SLFN12L: variants seen among roughly 807,000 people sequenced by gnomAD.
SLFN12L encodes schlafen family member 12 like.
Under a neutral mutation model 34.8 loss-of-function variants are expected in SLFN12L, and 34 were observed. The observed-to-expected ratio is 0.98, with a 90% confidence interval of 0.74 to 1.30. The LOEUF is 1.30. Among genes scored for constraint, SLFN12L ranks in the 50% most tolerant of loss-of-function variants. SLFN12L has a pLI of 0.00. For missense variants in SLFN12L, 703 were observed against 696.2 expected (o/e 1.01, Z -0.11); for synonymous variants, 259 against 247.5 (o/e 1.05, Z -0.44).
In SLFN12L at chr17:35,469,577, T is replaced by C. The variant is rs982115962; in HGVS notation, c.*5346A>G. ...AACTGTACCCCATCCTTTAAATAAGTCCACTATTACCACCCCAGGTTTCTT... is the reference window on the plus strand; with the variant it reads ...AACTGTACCCCATCCTTTAAATAAGCCCACTATTACCACCCCAGGTTTCTT... On this transcript the variant is annotated 3_prime_UTR_variant, in exon 5 of 5. Transcript: ENST00000628453. Among the ~76,000 whole-genome samples, 2 of 151,920 alleles carry C rather than the reference T, an allele frequency of 1.3e-5. No homozygotes were observed. The highest frequency in any genetic ancestry group is 2.9e-5 in the Non-Finnish European group (2 of 68,018).
rs1181423492 is a variant in SLFN12L at position 35,511,012 on chromosome 17, A to T, written c.86+11267T>A. Among the ~76,000 whole-genome samples the T allele has an allele frequency of 3.9e-5, 6 of 152,254 alleles. No individual in the cohort carries two copies. The East Asian group carries it at 9.7e-4, about 24-fold the overall frequency. ...GAAATGGCGTATATTAGAAAGATGC[A>T]ATATTGTTTAAACTTTACTACTCTT... On this transcript the variant is annotated intron_variant, in intron 2 of 4. Transcript: ENST00000628453.
chr17:35,498,060 G>T (rs1009018137), intron 2 of SLFN12L, among the ~76,000 whole-genome samples: 1 of 152,148 alleles, frequency 6.6e-6, no homozygotes, highest in African/African-American at 2.4e-5. Flanking sequence ...CAGAGCGGCC[G>T]CCCAGAGCGG....
At position 35,469,843 on chromosome 17, in the gene SLFN12L, C is replaced by T. The variant is rs148826381; in HGVS notation, c.*5080G>A. On this transcript the variant is annotated 3_prime_UTR_variant, in exon 5 of 5. Transcript: ENST00000628453. Reference sequence around the variant, plus strand: ...TGGGGACCGTCCCTAGGCCCCAAAGCCCATCAGAATTATTCAAACTATTGA... The same window carrying T: ...TGGGGACCGTCCCTAGGCCCCAAAGTCCATCAGAATTATTCAAACTATTGA... 1.3e-5 allele frequency among the ~76,000 whole-genome samples: 2 copies of T among 152,308 alleles called. No individual in the cohort carries two copies. Among genetic ancestry groups the T allele is most frequent in the Non-Finnish European group, 2.9e-5 (2 of 68,030 alleles).
Position 35,475,126 on chromosome 17 carries a change from C to T in SLFN12L, c.1636G>A (p.Glu546Lys). The T allele has an allele frequency of 2.5e-6, 4 of 1,614,166 alleles. No homozygotes were observed. Among genetic ancestry groups the T allele is most frequent in the Non-Finnish European group, 3.4e-6 (4 of 1,180,034 alleles). Residue 546 changes from glutamate to lysine, a missense_variant, in exon 5 of 5, where the codon GAA becomes AAA. Physicochemically the swap from Glu to Lys is moderately conservative, Grantham distance 56. Coordinates refer to ENST00000628453, the MANE Select transcript of SLFN12L (RefSeq NM_001363830.2). ...VMTKIFYLSP[E>K]GKTSCQYDLN... ...TCATACTGGCAGCTTGTCTTGCCTT[C>T]AGGGCTCAAGTAGAAGATCTTTGTC...
Position 35,475,493 on chromosome 17 carries a change from G to C in SLFN12L, c.1277-8C>G. 1 of 1,565,392 alleles carries C rather than the reference G, an allele frequency of 6.4e-7. No individual in the cohort carries two copies. Among genetic ancestry groups the C allele is most frequent in the East Asian group, 2.3e-5 (1 of 44,174 alleles). ...TTATCTTTTCTGATAGCCCTAGATG[G>C]GGAAATAATGATAAATTATAAAAGA... On this transcript the variant is annotated splice_region_variant and splice_polypyrimidine_tract_variant and intron_variant, in intron 4 of 4. Transcript: ENST00000628453.
chr17:35,494,568 G>A (rs1043165071), intron 2 of SLFN12L, among the ~76,000 whole-genome samples: 5 of 152,218 alleles, frequency 3.3e-5, no homozygotes, highest in African/African-American at 4.8e-5. Context: ...GGCACACAGA[G>A]CTGAAGAACC....
chr17:35,527,487 C>A (rs1303561808), intron 1 of SLFN12L, among the ~76,000 whole-genome samples: 1 of 152,148 alleles, frequency 6.6e-6, no homozygotes, highest in Non-Finnish European at 1.5e-5. Flanking sequence ...AGCAGCACAT[C>A]AAAAAGCTTA....
At chr17:35,493,221 G>C (rs947139544) in intron 2 of SLFN12L, among the ~76,000 whole-genome samples, 1 of 152,180 alleles carries the variant, frequency 6.6e-6, no homozygotes, top group South Asian at 2.1e-4. Context: ...ATGTCAGTGT[G>C]GTCCTAGAGG....
chr17:35,534,528 G>C (rs147291377), intron 1 of SLFN12L, among the ~76,000 whole-genome samples: 2 of 152,348 alleles, frequency 1.3e-5, no homozygotes, highest in Non-Finnish European at 2.9e-5. Flanking sequence ...AGATGGTGAT[G>C]TGGACTAAGG....
intron 2 of SLFN12L, among the ~76,000 whole-genome samples, chr17:35,493,309 T>C (rs1350396777): frequency 6.6e-6 from 1 of 152,170 alleles, no homozygotes; most frequent in African/African-American, 2.4e-5. Context: ...TTTTCCTGTA[T>C]GGGAAACCAT....
chr17:35,526,164 T>A (rs1434338707), intron 1 of SLFN12L, among the ~76,000 whole-genome samples: 2 of 152,190 alleles, frequency 1.3e-5, no homozygotes, highest in Non-Finnish European at 2.9e-5. Flanking sequence ...CTAACTATCC[T>A]AAATATATAT....
intron 4 of SLFN12L, among the ~76,000 whole-genome samples, chr17:35,476,036 G>C (rs1490369779): frequency 1.3e-5 from 2 of 151,808 alleles, no homozygotes; most frequent in African/African-American, 4.8e-5. Context: ...TAATACAGAA[G>C]AATCACAGGA....
At chr17:35,492,382 T>C (rs1838148) in intron 2 of SLFN12L, among the ~76,000 whole-genome samples, 45,519 of 152,058 alleles carry the variant, frequency 0.3, 7,100 homozygotes, top group Middle Eastern at 0.33. Flanking sequence ...TTGGGCTTCC[T>C]GGGCCCCTGT....
intron 2 of SLFN12L, among the ~76,000 whole-genome samples, chr17:35,517,784 A>G (rs976617155): frequency 6.6e-6 from 1 of 152,352 alleles, no homozygotes; most frequent in East Asian, 1.9e-4. Flanking sequence ...AACTGACAAA[A>G]CAAACAATGG....
chr17:35,483,352 A>G (rs1482815941), intron 2 of SLFN12L, among the ~76,000 whole-genome samples: 1 of 152,202 alleles, frequency 6.6e-6, no homozygotes. Context: ...TCCTGGACAC[A>G]GGACAAGAAC....
In SLFN12L at chr17:35,490,822, C is replaced by CT. The variant is rs375708736; in HGVS notation, c.87-10628dup. On this transcript the variant is annotated intron_variant, in intron 2 of 4. Transcript: ENST00000628453. ...TGAGTGCCTGACTCAATAAGAGAGC[C>CT]TACAAATACATTTGGCAGGTACCCA... is the stretch of plus-strand genomic sequence containing the variant. The CT allele has an allele frequency of 7.1e-5, 90 of 1,275,236 alleles. 1 individual carries two copies. In the African/African-American group the frequency reaches 1.0e-3, roughly 15 times the overall value. 79.0% of individuals were successfully genotyped at this position (1,275,236 alleles called of 1,614,324 possible). A position where few individuals can be genotyped will look rare whatever the true frequency, so the allele number is the denominator to read the frequency against.
chr17:35,498,324 C>A (rs1915169891), intron 2 of SLFN12L: 1 of 885,486 alleles, frequency 1.1e-6, no homozygotes, highest in Non-Finnish European at 1.9e-6. Flanking sequence ...GCGGCTGCCA[C>A]AGACTGCTGA....
At chr17:35,480,691 A>T (rs1914297607) in intron 2 of SLFN12L, among the ~76,000 whole-genome samples, 1 of 152,080 alleles carries the variant, frequency 6.6e-6, no homozygotes, top group African/African-American at 2.4e-5. Context: ...AGCAATAATA[A>T]TCTTAATTAT....
intron 1 of SLFN12L, among the ~76,000 whole-genome samples, chr17:35,535,962 AGTTT>A (rs111617647): frequency 0.57 from 84,774 of 149,430 alleles, 24,068 homozygotes; most frequent in Admixed American, 0.62. Context: ...GGCCCTGGCT[AGTTT>A]GTTTGTTTGT....
Sources: allele counts gnomAD v4.1 joint callset (sites outside exome capture counted in the v4.1 genomes callset), GRCh38; gene constraint gnomAD v4.1.1; transcripts MANE v1.5; gene names NCBI Gene and HGNC (gene_info 2026-07-23, HGNC 2026-07-21).